Variants in LUZP2 observed in about 807,000 individuals in gnomAD.
LUZP2 encodes leucine zipper protein 2.
Under a neutral mutation model 51.6 loss-of-function variants are expected in LUZP2, and 52 were observed. The observed-to-expected ratio is 1.01, with a 90% CI of 0.81 to 1.27. LUZP2 has a LOEUF of 1.27. Among genes scored for constraint, LUZP2 ranks in the 50% most tolerant of loss-of-function variants. The pLI is 0.00. For missense variants in LUZP2, 436 were observed against 395.4 expected (o/e 1.10, Z -0.87); for synonymous variants, 154 against 137.3 (o/e 1.12, Z -0.85).
chr11:24,662,579 G>A (rs1048124028), intron 1 of LUZP2, among the ~76,000 whole-genome samples: 1 of 151,846 alleles, frequency 6.6e-6, no homozygotes, highest in African/African-American at 2.4e-5. Context: ...AGATAATGAG[G>A]ACATAAAATA....
chr11:24,693,240 A>G (rs576439368), intron 1 of LUZP2, among the ~76,000 whole-genome samples: 1 of 151,698 alleles, frequency 6.6e-6, no homozygotes, highest in East Asian at 1.9e-4. Context: ...CATGGTTTTT[A>G]TACAGCATTG....
At chr11:24,704,044 T>C (rs1275587149) in intron 1 of LUZP2, among the ~76,000 whole-genome samples, 2 of 152,148 alleles carry the variant, frequency 1.3e-5, no homozygotes, top group Non-Finnish European at 2.9e-5. Flanking sequence ...TAAAACTTAA[T>C]AAAATAAAAA....
chr11:24,639,407 T>C lies in LUZP2; in HGVS notation c.63-89762T>C, dbSNP rs557926458. Among the ~76,000 whole-genome samples, 8 of 151,858 alleles carry C rather than the reference T, an allele frequency of 5.3e-5. No individual in the cohort carries two copies. In the East Asian group the frequency reaches 1.5e-3, roughly 29 times the overall value. On this transcript the variant is annotated intron_variant, in intron 1 of 11. Coordinates refer to ENST00000336930, the MANE Select transcript of LUZP2 (RefSeq NM_001009909.4). Reference sequence around the variant, plus strand: ...TATGTAATTCTCTCTATTTTATGTTTCCCCTTATATTTTATTTACCCTTTA... The same window carrying C: ...TATGTAATTCTCTCTATTTTATGTTCCCCCTTATATTTTATTTACCCTTTA...
intron 5 of LUZP2, among the ~76,000 whole-genome samples, chr11:24,767,504 G>T (rs2631409): frequency 0.67 from 101,847 of 152,042 alleles, 34,253 homozygotes; most frequent in African/African-American, 0.71. Flanking sequence ...GTATTTGGTC[G>T]ATCCCACTGG....
At chr11:24,971,169 G>A (rs1323477269) in intron 7 of LUZP2, among the ~76,000 whole-genome samples, 1 of 152,106 alleles carries the variant, frequency 6.6e-6, no homozygotes, top group Admixed American at 6.6e-5. Flanking sequence ...AACCTTTGTG[G>A]CACCAGTGAC....
intron 5 of LUZP2, among the ~76,000 whole-genome samples, chr11:24,876,131 G>T (rs887904678): frequency 1.3e-5 from 2 of 151,230 alleles, no homozygotes; most frequent in African/African-American, 4.9e-5. Flanking sequence ...GTCAATTTTG[G>T]CTTTTGTTGC....
At chr11:24,867,710 G>C (rs773147157) in intron 5 of LUZP2, among the ~76,000 whole-genome samples, 2 of 152,050 alleles carry the variant, frequency 1.3e-5, no homozygotes, top group Non-Finnish European at 2.9e-5. Context: ...AAAGTTCCTG[G>C]CAATTTGATG....
chr11:24,518,138 T>TA (rs1473572441), intron 1 of LUZP2, among the ~76,000 whole-genome samples: 3 of 152,080 alleles, frequency 2.0e-5, no homozygotes, highest in Non-Finnish European at 4.4e-5. Context: ...TTCAAACAAA[T>TA]AAAAAATTAG....
intron 1 of LUZP2, among the ~76,000 whole-genome samples, chr11:24,575,992 C>T (rs374298687): frequency 1.3e-5 from 2 of 152,024 alleles, no homozygotes; most frequent in East Asian, 1.9e-4. Flanking sequence ...TTTATTTTAG[C>T]ACAATGTCAT....
At chr11:24,734,495 T>A (rs1359301701) in intron 3 of LUZP2, among the ~76,000 whole-genome samples, 2 of 151,838 alleles carry the variant, frequency 1.3e-5, no homozygotes, top group Non-Finnish European at 2.9e-5. Flanking sequence ...AATATTTTGG[T>A]CTTACTAATT....
intron 5 of LUZP2, among the ~76,000 whole-genome samples, chr11:24,826,190 A>ATATAT (rs1554916354): frequency 0.05 from 3,404 of 67,416 alleles, 183 homozygotes; most frequent in African/African-American, 0.14. Flanking sequence ...AAAAAAAAAA[A>ATATAT]ATATATATAT....
chr11:25,001,621 T>G (rs564523431), intron 9 of LUZP2, among the ~76,000 whole-genome samples: 5 of 152,328 alleles, frequency 3.3e-5, no homozygotes, highest in African/African-American at 1.2e-4. Flanking sequence ...AATTATCAAT[T>G]ATAGGTTTTA....
At chr11:24,865,626 A>G (rs1851865185) in intron 5 of LUZP2, among the ~76,000 whole-genome samples, 1 of 151,920 alleles carries the variant, frequency 6.6e-6, no homozygotes, top group Non-Finnish European at 1.5e-5. Context: ...TTTATCCCTC[A>G]GATGGTTATT....
intron 1 of LUZP2, among the ~76,000 whole-genome samples, chr11:24,572,339 A>G (rs1311706095): frequency 1.3e-5 from 2 of 152,128 alleles, no homozygotes; most frequent in South Asian, 2.1e-4. Context: ...TTTCAATCAT[A>G]TTATATAAGC....
intron 10 of LUZP2, among the ~76,000 whole-genome samples, chr11:25,051,033 C>G (rs1858493901): frequency 6.6e-6 from 1 of 152,092 alleles, no homozygotes; most frequent in African/African-American, 2.4e-5. Flanking sequence ...CAAAATTAGG[C>G]TTTAATCCAA....
intron 6 of LUZP2, among the ~76,000 whole-genome samples, chr11:24,906,613 A>C (rs1162709260): frequency 6.6e-6 from 1 of 152,160 alleles, no homozygotes; most frequent in Non-Finnish European, 1.5e-5. Context: ...GTCTATTCTT[A>C]TGACTCTGTA....
intron 1 of LUZP2, among the ~76,000 whole-genome samples, chr11:24,570,363 T>C (rs958242643): frequency 1.3e-5 from 2 of 151,986 alleles, no homozygotes; most frequent in Non-Finnish European, 2.9e-5. Context: ...GCACCAGTCA[T>C]GGCTCAGGCA....
chr11:24,909,002 C>T (rs1341643961), intron 6 of LUZP2, among the ~76,000 whole-genome samples: 1 of 151,848 alleles, frequency 6.6e-6, no homozygotes, highest in Non-Finnish European at 1.5e-5. Context: ...ACCTCGTGAT[C>T]CACCTGCCTC....
At chr11:24,600,336 G>A (rs559341398) in intron 1 of LUZP2, among the ~76,000 whole-genome samples, 1 of 152,042 alleles carries the variant, frequency 6.6e-6, no homozygotes, top group South Asian at 2.1e-4. Context: ...AAGGAATGCT[G>A]GCCACCACCA....
Sources: gnomAD v4.1 joint callset for allele counts (sites outside exome capture counted in the v4.1 genomes callset) on GRCh38, gnomAD v4.1.1 for gene constraint, MANE v1.5 for transcripts, NCBI Gene and HGNC (gene_info 2026-07-23, HGNC 2026-07-21) for gene names.